TRIM43B: variants seen among roughly 807,000 people sequenced by gnomAD.
The protein encoded by TRIM43B is tripartite motif-containing protein 43B.
In TRIM43B, 15 loss-of-function variants were observed where a neutral mutation model predicts 27.0. That is an observed-to-expected ratio of 0.55 (90% CI 0.37 to 0.85). The LOEUF (loss-of-function observed/expected upper bound fraction) is 0.85, where lower values mean the gene tolerates loss of function less well. Among genes scored for constraint, TRIM43B ranks in the 40% least tolerant of loss-of-function variants. The probability of loss-of-function intolerance (pLI) is 0.00; values close to 1 mark genes in which losing one functional copy is unlikely to be tolerated. For missense variants in TRIM43B, 172 were observed against 289.8 expected (o/e 0.59, Z 2.95); for synonymous variants, 69 against 97.8 (o/e 0.71, Z 1.74).
At chr2:95,484,219 A>T (rs1359206404) in intron 1 of TRIM43B, among the ~76,000 whole-genome samples, 1 of 151,896 alleles carries the variant, frequency 6.6e-6, no homozygotes, top group Non-Finnish European at 1.5e-5. Context: ...AAAAAATACA[A>T]AATTTAGATG....
chr2:95,480,957 C>A (rs1053089848), intron 3 of TRIM43B, among the ~76,000 whole-genome samples: 1 of 151,948 alleles, frequency 6.6e-6, no homozygotes, highest in Non-Finnish European at 1.5e-5. Context: ...AAAATTTAAC[C>A]CCCATCTCTC....
chr2:95,483,890 G>A (rs1183032944), intron 1 of TRIM43B, among the ~76,000 whole-genome samples: 2 of 151,792 alleles, frequency 1.3e-5, no homozygotes, highest in Non-Finnish European at 2.9e-5. Flanking sequence ...CGTTTTAAAT[G>A]TATGTTTTGC....
intron 1 of TRIM43B, among the ~76,000 whole-genome samples, chr2:95,483,342 C>G (rs538632307): frequency 6.6e-6 from 1 of 152,096 alleles, no homozygotes; most frequent in Non-Finnish European, 1.5e-5. Flanking sequence ...TTAATTTAAT[C>G]AACAAAAACT....
intron 3 of TRIM43B, 72 bp from the exon 4 acceptor site, chr2:95,480,607 C>T: frequency 6.4e-7 from 1 of 1,551,940 alleles, no homozygotes; most frequent in Admixed American, 1.9e-5. Flanking sequence ...CAACTTCATC[C>T]TCCTCATTCC....
intron 3 of TRIM43B, among the ~76,000 whole-genome samples, chr2:95,480,950 A>C (rs1394837496): frequency 6.6e-6 from 1 of 152,056 alleles, no homozygotes; most frequent in Non-Finnish European, 1.5e-5. Context: ...TTAGTAAAAA[A>C]TTTAACCCCC....
chr2:95,481,692 T>A lies in TRIM43B; in HGVS notation c.412-2A>T. ...CCTCATTTGCTTTAAGAGTTTCTCC[T>A]GCAAAAGAATTAAAGGTTGAACAGA... On this transcript the variant is annotated splice_acceptor_variant, in intron 2 of 6. Coordinates refer to ENST00000639673, the Ensembl canonical transcript of TRIM43B. LOFTEE classifies it high-confidence loss of function. 2 of 1,610,676 alleles carry A rather than the reference T, an allele frequency of 1.2e-6. No individual in the cohort carries two copies. Among genetic ancestry groups the A allele is most frequent in the Admixed American group, 1.7e-5 (1 of 59,538 alleles).
At chr2:95,481,789 G>C (rs573123213) in intron 2 of TRIM43B, 99 bp from the exon 3 acceptor site, 1 of 1,321,162 alleles carries the variant, frequency 7.6e-7, no homozygotes, top group South Asian at 1.7e-5. Context: ...AAATACATTA[G>C]TGAGAGGAGA....
chr2:95,482,643 G>T (rs2104402097), exon 2 of TRIM43B: 1 of 1,613,744 alleles, frequency 6.2e-7, no homozygotes. Context: ...TGGTGACAGG[G>T]TCTACCAGGT....
At chr2:95,483,276 G>T (rs985972515) in intron 1 of TRIM43B, among the ~76,000 whole-genome samples, 10 of 152,114 alleles carry the variant, frequency 6.6e-5, no homozygotes, top group African/African-American at 2.2e-4. Context: ...GTCAAATCAA[G>T]GTAAGTTACC....
chr2:95,483,567 C>T (rs546516781), intron 1 of TRIM43B, among the ~76,000 whole-genome samples: 3 of 151,556 alleles, frequency 2.0e-5, no homozygotes, highest in East Asian at 3.9e-4. Context: ...GCCTGTAATC[C>T]GAGCACTTTG....
chr2:95,483,126 TCTA>T (rs1323604019), intron 1 of TRIM43B, among the ~76,000 whole-genome samples: 1 of 152,144 alleles, frequency 6.6e-6, no homozygotes, highest in African/African-American at 2.4e-5. Context: ...ACTAAGCTCT[TCTA>T]CTCTCATTAT....
exon 4 of TRIM43B, chr2:95,480,319 C>A (rs750242500): frequency 6.2e-7 from 1 of 1,608,628 alleles, no homozygotes; most frequent in Non-Finnish European, 8.5e-7. Flanking sequence ...AGCAGCTCCA[C>A]CTCTGGTTTA....
At chr2:95,483,934 G>GA (rs1383782186) in intron 1 of TRIM43B, among the ~76,000 whole-genome samples, 2 of 151,828 alleles carry the variant, frequency 1.3e-5, no homozygotes, top group Non-Finnish European at 1.5e-5. Context: ...CCAAGCCAGG[G>GA]AAGGTGACTC....
At chr2:95,482,562 G>C in exon 2 of TRIM43B, 1 of 1,612,914 alleles carries the variant, frequency 6.2e-7, no homozygotes, top group East Asian at 2.2e-5. Context: ...ATGCAGGGCA[G>C]TTTGCAGGAC....
intron 1 of TRIM43B, among the ~76,000 whole-genome samples, chr2:95,483,165 T>C (rs957483942): frequency 6.6e-6 from 1 of 152,110 alleles, no homozygotes; most frequent in African/African-American, 2.4e-5. Flanking sequence ...CAACCATCCA[T>C]AATGACTTTT....
chr2:95,480,755 CA>C (rs964062112), intron 3 of TRIM43B, among the ~76,000 whole-genome samples: 5 of 152,000 alleles, frequency 3.3e-5, no homozygotes, highest in African/African-American at 4.8e-5. Context: ...ATCGGAAATA[CA>C]ATTAGAAAAC....
intron 1 of TRIM43B, among the ~76,000 whole-genome samples, chr2:95,483,280 A>C (rs1301067399): frequency 6.6e-6 from 1 of 152,148 alleles, no homozygotes; most frequent in East Asian, 1.9e-4. Flanking sequence ...AATCAAGGTA[A>C]GTTACCTCTC....
At chr2:95,482,047 G>T (rs1435058234) in intron 2 of TRIM43B, among the ~76,000 whole-genome samples, 1 of 150,938 alleles carries the variant, frequency 6.6e-6, no homozygotes, top group African/African-American at 2.4e-5. Context: ...TGGTAGTTTT[G>T]GTAGCTTTTC....
chr2:95,482,267 C>T, intron 2 of TRIM43B, 37 bp downstream of exon 2: 2 of 1,597,580 alleles, frequency 1.3e-6, no homozygotes, highest in South Asian at 1.1e-5. Flanking sequence ...ACTCTGCCAC[C>T]CTCCAGCTTT....
Sources: allele counts gnomAD v4.1 joint callset (sites outside exome capture counted in the v4.1 genomes callset), GRCh38; gene constraint gnomAD v4.1.1; transcripts MANE v1.5; gene names NCBI Gene and HGNC (gene_info 2026-07-23, HGNC 2026-07-21).